Variants in TMEM117 observed in about 807,000 individuals in gnomAD.
TMEM117 encodes transmembrane protein 117.
A neutral mutation model predicts 52.4 loss-of-function variants in TMEM117; 27 were observed. The ratio of observed to expected loss-of-function variants is 0.51; its 90% confidence interval spans 0.38 to 0.71. The LOEUF (loss-of-function observed/expected upper bound fraction) is 0.71, where lower values mean the gene tolerates loss of function less well. Ranked by LOEUF, TMEM117 falls within the 30% of genes least tolerant of loss-of-function variation. The pLI, the probability that TMEM117 is intolerant of heterozygous loss-of-function variation, is 0.00. For synonymous variants in TMEM117, 215 were observed against 206.3 expected (o/e 1.04, Z -0.36); for missense variants, 556 against 630.5 (o/e 0.88, Z 1.26).
intron 4 of TMEM117, among the ~76,000 whole-genome samples, chr12:44,157,427 A>C (rs1948841531): frequency 6.6e-6 from 1 of 152,144 alleles, no homozygotes; most frequent in Non-Finnish European, 1.5e-5. Context: ...GAACATCTTA[A>C]AATATCGTTC....
At chr12:44,345,847 C>G (rs1171099217) in intron 6 of TMEM117, among the ~76,000 whole-genome samples, 1 of 152,008 alleles carries the variant, frequency 6.6e-6, no homozygotes, top group African/African-American at 2.4e-5. Flanking sequence ...ATTAGATTAT[C>G]TTTCAGGGTT....
intron 4 of TMEM117, among the ~76,000 whole-genome samples, chr12:44,183,530 C>T (rs1949234427): frequency 6.6e-6 from 1 of 152,178 alleles, no homozygotes; most frequent in Non-Finnish European, 1.5e-5. Context: ...ATTAACTGGA[C>T]AATCTTAGAG....
At chr12:44,259,157 C>T (rs891268587) in intron 5 of TMEM117, among the ~76,000 whole-genome samples, 8 of 152,056 alleles carry the variant, frequency 5.3e-5, no homozygotes, top group South Asian at 4.1e-4. Context: ...ACAGCAGCTC[C>T]GCTAATGGAG....
At chr12:44,021,490 C>T (rs930095801) in intron 3 of TMEM117, among the ~76,000 whole-genome samples, 5 of 152,282 alleles carry the variant, frequency 3.3e-5, no homozygotes, top group South Asian at 2.1e-4. Flanking sequence ...TTGGCCTCTG[C>T]GTTGTTTACT....
At chr12:44,359,340 A>T (rs1951692097) in intron 6 of TMEM117, among the ~76,000 whole-genome samples, 1 of 152,112 alleles carries the variant, frequency 6.6e-6, no homozygotes, top group Non-Finnish European at 1.5e-5. Flanking sequence ...ATTATTTTAA[A>T]ACCATCTATA....
At chr12:43,967,884 C>A (rs1032142014) in intron 3 of TMEM117, among the ~76,000 whole-genome samples, 1 of 152,210 alleles carries the variant, frequency 6.6e-6, no homozygotes, top group Non-Finnish European at 1.5e-5. Context: ...CAGAAACATG[C>A]GTGTGCGTGT....
chr12:44,220,793 A>T (rs1189952118), intron 5 of TMEM117, among the ~76,000 whole-genome samples: 1 of 152,216 alleles, frequency 6.6e-6, no homozygotes, highest in East Asian at 1.9e-4. Context: ...ACCCAAAAGA[A>T]GTCTCAATGG....
chr12:43,870,062 G>A (rs1277657697), intron 2 of TMEM117, among the ~76,000 whole-genome samples: 2 of 152,216 alleles, frequency 1.3e-5, no homozygotes, highest in Middle Eastern at 6.8e-3. Context: ...GAGGATAATG[G>A]CTCCAGCTCT....
intron 4 of TMEM117, among the ~76,000 whole-genome samples, chr12:44,200,328 G>T (rs1268579402): frequency 6.6e-6 from 1 of 152,010 alleles, no homozygotes; most frequent in African/African-American, 2.4e-5. Flanking sequence ...ACGGTTTTAT[G>T]TTCAAACTCC....
chr12:44,187,243 G>GA (rs986715982), intron 4 of TMEM117, among the ~76,000 whole-genome samples: 1 of 151,712 alleles, frequency 6.6e-6, no homozygotes, highest in African/African-American at 2.4e-5. Flanking sequence ...ATGTAAATGG[G>GA]AAAAAAATCA....
At chr12:44,204,666 C>A (rs1452595501) in intron 4 of TMEM117, among the ~76,000 whole-genome samples, 1 of 152,138 alleles carries the variant, frequency 6.6e-6, no homozygotes, top group African/African-American at 2.4e-5. Context: ...CACTACAAAT[C>A]TACTGTAACC....
chr12:44,120,729 C>G (rs1948220100), intron 3 of TMEM117, among the ~76,000 whole-genome samples: 1 of 152,194 alleles, frequency 6.6e-6, no homozygotes, highest in African/African-American at 2.4e-5. Flanking sequence ...GATGCAGGAT[C>G]ACAGTTCAGA....
At chr12:44,267,560 A>C (rs1027703434) in intron 5 of TMEM117, among the ~76,000 whole-genome samples, 1 of 152,176 alleles carries the variant, frequency 6.6e-6, no homozygotes, top group Non-Finnish European at 1.5e-5. Flanking sequence ...CTTTGTTAGC[A>C]AAATTGTAAG....
At position 44,217,515 on chromosome 12, in the gene TMEM117, C is replaced by T. The variant is rs904403362; in HGVS notation, c.608+6128C>T. 2.6e-5 allele frequency among the ~76,000 whole-genome samples: 4 copies of T among 152,198 alleles called. No homozygotes were observed. In the South Asian group the frequency reaches 8.3e-4, roughly 32 times the overall value. On this transcript the variant is annotated intron_variant, in intron 5 of 7. Transcript: ENST00000266534. Reference sequence around the variant, plus strand: ...TGTCCAGAGCTCCCTTTGTGTGTGCCTTCTTTCTTTAGAATAAGGGATAAA... The same window carrying T: ...TGTCCAGAGCTCCCTTTGTGTGTGCTTTCTTTCTTTAGAATAAGGGATAAA...
At chr12:44,338,878 T>C (rs1377718548) in intron 6 of TMEM117, among the ~76,000 whole-genome samples, 1 of 152,066 alleles carries the variant, frequency 6.6e-6, no homozygotes, top group Non-Finnish European at 1.5e-5. Context: ...CAAAATTCAT[T>C]TTGAAATTGT....
chr12:44,078,257 C>A (rs147439686), intron 3 of TMEM117, among the ~76,000 whole-genome samples: 2 of 152,156 alleles, frequency 1.3e-5, no homozygotes, highest in Non-Finnish European at 2.9e-5. Context: ...GATATGCCAA[C>A]GACAGAAATA....
At chr12:44,281,372 G>A (rs1471007678) in intron 5 of TMEM117, among the ~76,000 whole-genome samples, 2 of 151,616 alleles carry the variant, frequency 1.3e-5, no homozygotes, top group Non-Finnish European at 2.9e-5. Flanking sequence ...TACTTTTGGG[G>A]CGTTATCAAA....
At chr12:44,261,573 C>G (rs193123686) in intron 5 of TMEM117, among the ~76,000 whole-genome samples, 1 of 151,922 alleles carries the variant, frequency 6.6e-6, no homozygotes, top group Non-Finnish European at 1.5e-5. Context: ...TCAATAGTAT[C>G]GCTATGGGGA....
At chr12:44,260,765 C>T (rs1001516642) in intron 5 of TMEM117, among the ~76,000 whole-genome samples, 3 of 152,170 alleles carry the variant, frequency 2.0e-5, no homozygotes, top group African/African-American at 7.2e-5. Flanking sequence ...CCCCTTCCCA[C>T]CCCAGCTAGT....
Sources: allele counts gnomAD v4.1 joint callset (sites outside exome capture counted in the v4.1 genomes callset), GRCh38; gene constraint gnomAD v4.1.1; transcripts MANE v1.5; gene names NCBI Gene and HGNC (gene_info 2026-07-23, HGNC 2026-07-21).